The following GPM6A variants were observed in gnomAD, a reference collection of about 807,000 sequenced individuals.
GPM6A encodes the protein neuronal membrane glycoprotein M6-a.
In GPM6A, 7 loss-of-function variants were observed where a neutral mutation model predicts 32.1. The ratio of observed to expected loss-of-function variants is 0.22; its 90% CI spans 0.12 to 0.41. GPM6A has a LOEUF of 0.41. Ranked by LOEUF, GPM6A falls within the 10% of genes least tolerant of loss-of-function variation. The probability of loss-of-function intolerance (pLI) is 1.00; values close to 1 mark genes in which losing one functional copy is unlikely to be tolerated. For missense variants in GPM6A, 235 were observed against 347.2 expected (o/e 0.68, Z 2.57); for synonymous variants, 130 against 123.4 (o/e 1.05, Z -0.35).
At chr4:175,838,463 T>C (rs1735839919) in intron 1 of GPM6A, among the ~76,000 whole-genome samples, 2 of 151,192 alleles carry the variant, frequency 1.3e-5, no homozygotes, top group African/African-American at 4.9e-5. Context: ...TTCTGTCTAC[T>C]GCACTAAATG....
chr4:175,932,363 TC>T (rs1435826023), intron 1 of GPM6A, among the ~76,000 whole-genome samples: 3 of 152,158 alleles, frequency 2.0e-5, no homozygotes. Context: ...ACTCAGCATT[TC>T]TTCCCTCCAG....
intron 1 of GPM6A, among the ~76,000 whole-genome samples, chr4:175,705,672 T>C (rs938951411): frequency 6.6e-6 from 1 of 152,080 alleles, no homozygotes; most frequent in Non-Finnish European, 1.5e-5. Context: ...GGGCCCCGGA[T>C]AGGTTCCCAA....
rs572766592 is a variant in GPM6A at position 175,717,062 on chromosome 4, AC to A, written c.38-15296del. 9.2e-5 allele frequency among the ~76,000 whole-genome samples: 14 copies of A among 152,164 alleles called. No homozygotes were observed. In the South Asian group the frequency reaches 2.9e-3, roughly 32 times the overall value. On this transcript the variant is annotated intron_variant, in intron 1 of 6. Coordinates refer to ENST00000393658, the MANE Select transcript of GPM6A (RefSeq NM_201591.3). ...TTCCTTTACATTAACTTACCATTATACTTTCCACACACTCCTTCTACTCTAG... is the reference window on the plus strand; with the variant it reads ...TTCCTTTACATTAACTTACCATTATATTTCCACACACTCCTTCTACTCTAG...
chr4:175,983,111 C>T (rs1740866878), intron 1 of GPM6A, among the ~76,000 whole-genome samples: 1 of 151,914 alleles, frequency 6.6e-6, no homozygotes. Flanking sequence ...GCACAAGGTG[C>T]CTCAAAGATG....
intron 1 of GPM6A, among the ~76,000 whole-genome samples, chr4:175,959,223 C>A (rs1221547877): frequency 6.6e-6 from 1 of 152,136 alleles, no homozygotes; most frequent in Non-Finnish European, 1.5e-5. Flanking sequence ...GGGCCAGGAA[C>A]TCATGGGAAC....
intron 2 of GPM6A, among the ~76,000 whole-genome samples, chr4:175,685,655 T>C (rs1451651201): frequency 6.6e-6 from 1 of 152,216 alleles, no homozygotes; most frequent in African/African-American, 2.4e-5. Flanking sequence ...TTGCCAATTA[T>C]CATGTTTTCT....
intron 4 of GPM6A, among the ~76,000 whole-genome samples, chr4:175,649,232 G>T (rs1452790032): frequency 1.3e-5 from 2 of 152,078 alleles, no homozygotes; most frequent in Non-Finnish European, 2.9e-5. Context: ...AAATTCTATG[G>T]CTCTAAGACA....
At chr4:175,793,494 G>A (rs190263467) in intron 1 of GPM6A, among the ~76,000 whole-genome samples, 7 of 151,846 alleles carry the variant, frequency 4.6e-5, no homozygotes, top group Admixed American at 1.3e-4. Flanking sequence ...CTCCTGCCTC[G>A]GCCTCCTGAG....
At chr4:175,794,360 C>G (rs1231367821) in intron 1 of GPM6A, among the ~76,000 whole-genome samples, 1 of 152,038 alleles carries the variant, frequency 6.6e-6, no homozygotes, top group Non-Finnish European at 1.5e-5. Context: ...TAATAGAAAC[C>G]ATAATCAAAT....
At chr4:175,665,151 A>G (rs1742671568) in intron 3 of GPM6A, among the ~76,000 whole-genome samples, 1 of 152,224 alleles carries the variant, frequency 6.6e-6, no homozygotes, top group Admixed American at 6.5e-5. Context: ...CTGTGTGCCC[A>G]CAATGTGTAC....
upstream of GPM6A, among the ~76,000 whole-genome samples, chr4:175,815,694 A>G (rs1049192926): frequency 6.1e-5 from 9 of 148,358 alleles, no homozygotes; most frequent in African/African-American, 1.2e-4. Flanking sequence ...CATCACTACA[A>G]ATATTTTCTA....
Position 175,996,742 on chromosome 4 carries a change from T to A in GPM6A, c.-23+5567A>T, listed in dbSNP as rs186345874. ...TAATTAAAAATTTAGTCTTTAATCATGTTTTTCTCAGGACTTGTGCTGAGT... is the reference window on the plus strand; with the variant it reads ...TAATTAAAAATTTAGTCTTTAATCAAGTTTTTCTCAGGACTTGTGCTGAGT... On this transcript the variant is annotated intron_variant, in intron 1 of 7. Transcript: ENST00000280187. Among the ~76,000 whole-genome samples, 17 of 152,324 alleles carry A rather than the reference T, an allele frequency of 1.1e-4. No homozygotes were observed. In the East Asian group the frequency reaches 3.1e-3, roughly 28 times the overall value.
intron 1 of GPM6A, among the ~76,000 whole-genome samples, chr4:175,880,160 T>C (rs1737223301): frequency 6.6e-6 from 1 of 152,242 alleles, no homozygotes; most frequent in Non-Finnish European, 1.5e-5. Context: ...TCCTCATTTC[T>C]TATTTTTGTC....
At chr4:175,842,029 A>T (rs1735952547) in intron 1 of GPM6A, among the ~76,000 whole-genome samples, 1 of 152,176 alleles carries the variant, frequency 6.6e-6, no homozygotes, top group African/African-American at 2.4e-5. Flanking sequence ...ACTATTATTT[A>T]ATGATGTGAG....
chr4:175,937,219 T>C (rs1228216641), intron 1 of GPM6A, among the ~76,000 whole-genome samples: 1 of 150,264 alleles, frequency 6.7e-6, no homozygotes, highest in Non-Finnish European at 1.5e-5. Flanking sequence ...ATGGAAATAC[T>C]GACATATGTG....
At chr4:175,665,622 A>G (rs1742707918) in intron 3 of GPM6A, among the ~76,000 whole-genome samples, 1 of 151,902 alleles carries the variant, frequency 6.6e-6, no homozygotes, top group Non-Finnish European at 1.5e-5. Flanking sequence ...TATGTCTACC[A>G]AAAACACAAA....
intron 1 of GPM6A, among the ~76,000 whole-genome samples, chr4:175,845,979 G>T (rs150191919): frequency 1.3e-5 from 2 of 152,046 alleles, no homozygotes; most frequent in African/African-American, 2.4e-5. Flanking sequence ...CCAAAGTACT[G>T]ACCATGTGTT....
chr4:175,884,323 T>A (rs1042967538), intron 1 of GPM6A, among the ~76,000 whole-genome samples: 1 of 152,204 alleles, frequency 6.6e-6, no homozygotes, highest in Non-Finnish European at 1.5e-5. Flanking sequence ...ATGATTCACA[T>A]CATTTACACA....
Position 175,694,021 on chromosome 4 carries a change from G to T in GPM6A, c.230+7554C>A, listed in dbSNP as rs544343126. 6.9e-4 allele frequency among the ~76,000 whole-genome samples: 105 copies of T among 152,196 alleles called. 1 individual carries two copies. Among genetic ancestry groups the T allele is most frequent in the Non-Finnish European group, 1.4e-3 (95 of 68,008 alleles). The stretch of plus-strand genomic sequence containing the variant: ...CTCCTGCTCTGGCCGTGTAAGATAG[G>T]CCTGTTTCCCTTTTGCCTTCCACCA... On this transcript the variant is annotated intron_variant, in intron 2 of 6. Coordinates refer to ENST00000393658, the MANE Select transcript of GPM6A (RefSeq NM_201591.3).
Sources: allele counts gnomAD v4.1 joint callset (sites outside exome capture counted in the v4.1 genomes callset), GRCh38; gene constraint gnomAD v4.1.1; transcripts MANE v1.5; gene names NCBI Gene and HGNC (gene_info 2026-07-23, HGNC 2026-07-21).